The following METTL24 variants were observed in gnomAD, a reference collection of about 807,000 sequenced individuals.
METTL24 encodes methyltransferase like 24.
A neutral mutation model predicts 32.7 loss-of-function variants in METTL24; 29 were observed. The ratio of observed to expected loss-of-function variants is 0.89; its 90% confidence interval spans 0.66 to 1.21. METTL24 has a LOEUF of 1.21. METTL24 is among the 50% of genes most tolerant of loss of function. METTL24 has a pLI of 0.00. For synonymous variants in METTL24, 163 were observed against 179.5 expected, an observed-to-expected ratio of 0.91 and a Z score of 0.73; for missense variants, 439 against 468.1, an observed-to-expected ratio of 0.94 and a Z score of 0.57.
chr6:110,268,471 A>C (rs1188378727), intron 4 of METTL24, among the ~76,000 whole-genome samples: 1 of 152,152 alleles, frequency 6.6e-6, no homozygotes, highest in East Asian at 1.9e-4. Context: ...AAGAAAAGCA[A>C]ATGTGGAGTA....
Position 110,299,039 on chromosome 6 carries a change from A to G in METTL24, c.669T>C (p.Leu223=). ...KSAHILESQH[L]WYHRLSIDWR... ...AGTCAATGGACAAGCGGTGATACCA[A>G]AGGTGCTGACTCTCCAGAATGTGAG... is the stretch of plus-strand genomic sequence containing the variant. Residue 223 remains leucine (L), a synonymous_variant, in exon 4 of 5, where the codon CTT becomes CTC. Coordinates refer to ENST00000338882, the MANE Select transcript of METTL24 (RefSeq NM_001123364.3). 1.2e-6 allele frequency: 2 copies of G among 1,614,226 alleles called. No individual in the cohort carries two copies. Among genetic ancestry groups the G allele is most frequent in the Non-Finnish European group, 1.7e-6 (2 of 1,180,038 alleles).
chr6:110,248,112 G>A (rs1024254356), intron 4 of METTL24, among the ~76,000 whole-genome samples: 3 of 152,096 alleles, frequency 2.0e-5, no homozygotes, highest in East Asian at 3.9e-4. Flanking sequence ...CTGATAGGCT[G>A]GCACCTCTTC....
intron 1 of METTL24, among the ~76,000 whole-genome samples, chr6:110,323,582 A>G (rs927049453): frequency 1.3e-5 from 2 of 152,140 alleles, no homozygotes; most frequent in African/African-American, 4.8e-5. Context: ...GGGGAATGCA[A>G]TGGTCTGGAG....
chr6:110,312,388 G>A (rs1481666013), intron 3 of METTL24, among the ~76,000 whole-genome samples: 1 of 152,168 alleles, frequency 6.6e-6, no homozygotes, highest in Non-Finnish European at 1.5e-5. Flanking sequence ...ATATCAAAGG[G>A]ATGCCTGCAT....
chr6:110,297,805 C>A (rs1030966278), intron 4 of METTL24, among the ~76,000 whole-genome samples: 7 of 152,172 alleles, frequency 4.6e-5, no homozygotes, highest in African/African-American at 1.7e-4. Context: ...CTATTAAATG[C>A]CACCAGTTAC....
chr6:110,284,070 T>A (rs541469543), intron 4 of METTL24, among the ~76,000 whole-genome samples: 1 of 152,302 alleles, frequency 6.6e-6, no homozygotes, highest in Admixed American at 6.5e-5. Context: ...ACAACCCCAA[T>A]GAACCTTGAA....
Position 110,304,082 on chromosome 6 carries a change from G to C in METTL24, c.558-4932C>G, listed in dbSNP as rs151001044. 1.8e-3 allele frequency among the ~76,000 whole-genome samples: 272 copies of C among 152,190 alleles called. 3 individuals carry two copies. The highest frequency in any genetic ancestry group is 5.7e-3 in the African/African-American group (237 of 41,510). On this transcript the variant is annotated intron_variant, in intron 3 of 4. Transcript: ENST00000338882. ...AGACCTGCAGAAGAGGGGCCTGACT[G>C]TTAGAAAAAAAACTAACAAACAGAA...
Position 110,258,824 on chromosome 6 carries a change from CAA to C in METTL24, c.787-12566_787-12565del, listed in dbSNP as rs1778434275. Among the ~76,000 whole-genome samples the C allele has an allele frequency of 2.0e-5, 3 of 146,940 alleles. No individual in the cohort carries two copies. In the Admixed American group the frequency reaches 2.0e-4, roughly 10 times the overall value. ...CACACACACACACACACACACACAA[CAA>C]AACAAAACAAAAGAAAACAAAACAA... On this transcript the variant is annotated intron_variant, in intron 4 of 4. Coordinates refer to ENST00000338882, the MANE Select transcript of METTL24 (RefSeq NM_001123364.3).
At chr6:110,348,876 C>A (rs1772535696) in intron 1 of METTL24, among the ~76,000 whole-genome samples, 1 of 152,244 alleles carries the variant, frequency 6.6e-6, no homozygotes, top group South Asian at 2.1e-4. Flanking sequence ...AAGAATCTAA[C>A]ATAAACAATG....
chr6:110,298,267 A>T (rs1771456355), intron 4 of METTL24, among the ~76,000 whole-genome samples: 1 of 152,242 alleles, frequency 6.6e-6, no homozygotes, highest in South Asian at 2.1e-4. Context: ...TACAGAATAC[A>T]GTTAGCTCGG....
chr6:110,258,789 TACACACACACAC>T (rs146964745), intron 4 of METTL24, among the ~76,000 whole-genome samples: 163 of 145,894 alleles, frequency 1.1e-3, no homozygotes, highest in Non-Finnish European at 2.3e-3. Context: ...TAGATGCATT[TACACACACACAC>T]ACACACACAC....
intron 1 of METTL24, among the ~76,000 whole-genome samples, chr6:110,333,241 T>C (rs1387486153): frequency 6.6e-6 from 1 of 152,060 alleles, no homozygotes; most frequent in African/African-American, 2.4e-5. Flanking sequence ...TGCACCCCTA[T>C]AAACCCATTT....
At chr6:110,290,312 ATCTTT>A (rs1771296799) in intron 4 of METTL24, among the ~76,000 whole-genome samples, 1 of 152,336 alleles carries the variant, frequency 6.6e-6, no homozygotes, top group African/African-American at 2.4e-5. Context: ...TTCCTTTGTG[ATCTTT>A]TCAATAAATC....
intron 4 of METTL24, among the ~76,000 whole-genome samples, chr6:110,289,052 A>C (rs1363233028): frequency 6.6e-6 from 1 of 152,180 alleles, no homozygotes; most frequent in Non-Finnish European, 1.5e-5. Flanking sequence ...AATAGTCCAC[A>C]TACTACTGGG....
intron 1 of METTL24, among the ~76,000 whole-genome samples, chr6:110,335,772 C>G (rs2114766333): frequency 6.6e-6 from 1 of 152,110 alleles, no homozygotes; most frequent in South Asian, 2.1e-4. Context: ...AGACTAGCTG[C>G]TTCATATTAT....
chr6:110,332,601 A>G (rs1772128040), intron 1 of METTL24: 1 of 453,408 alleles, frequency 2.2e-6, no homozygotes, highest in Admixed American at 6.4e-5. Flanking sequence ...TTTCTTATGA[A>G]AGTAAGTTTA....
chr6:110,357,905 G>C, intron 1 of METTL24, 50 bp downstream of exon 1: 1 of 1,094,330 alleles, frequency 9.1e-7, no homozygotes, highest in Non-Finnish European at 1.1e-6. Context: ...TAGCGCGGTC[G>C]GGAGGGGGCT....
intron 4 of METTL24, among the ~76,000 whole-genome samples, chr6:110,297,403 T>C (rs1367384099): frequency 6.6e-6 from 1 of 152,196 alleles, no homozygotes; most frequent in Non-Finnish European, 1.5e-5. Context: ...TACAGTATTA[T>C]TGGGGAAAAA....
intron 4 of METTL24, among the ~76,000 whole-genome samples, chr6:110,261,977 G>A (rs533651566): frequency 1.3e-5 from 2 of 152,078 alleles, no homozygotes; most frequent in African/African-American, 4.8e-5. Context: ...GTGTGTAGAG[G>A]GAAATTTATA....
Sources: gnomAD v4.1 joint callset for allele counts (sites outside exome capture counted in the v4.1 genomes callset) on GRCh38, gnomAD v4.1.1 for gene constraint, MANE v1.5 for transcripts, NCBI Gene and HGNC (gene_info 2026-07-23, HGNC 2026-07-21) for gene names.